The following PCMT1 variants were observed in gnomAD, a reference collection of about 807,000 sequenced individuals.
PCMT1 encodes protein-L-isoaspartate(D-aspartate) O-methyltransferase.
PCMT1 carries 9 observed loss-of-function variants against 29.2 expected under a neutral mutation model. The observed-to-expected ratio is 0.31, with a 90% confidence interval of 0.19 to 0.54. The LOEUF is 0.54. PCMT1 is among the 20% of genes least tolerant of loss of function. PCMT1 has a pLI of 0.95. For synonymous variants in PCMT1, 98 were observed against 97.5 expected (o/e 1.00, Z -0.03); for missense variants, 184 against 282.2 (o/e 0.65, Z 2.49).
chr6:149,751,721 C>T (rs1786328024), intron 1 of PCMT1, among the ~76,000 whole-genome samples: 1 of 152,008 alleles, frequency 6.6e-6, no homozygotes, highest in Admixed American at 6.6e-5. Context: ...ACTTCATGAT[C>T]TGCCCACCTC....
At chr6:149,780,465 A>G (rs186190419) in intron 3 of PCMT1, among the ~76,000 whole-genome samples, 2 of 152,266 alleles carry the variant, frequency 1.3e-5, no homozygotes, top group Non-Finnish European at 2.9e-5. Flanking sequence ...TGAGGTTTTC[A>G]TCACTGCAGA....
rs568587773 is a variant in PCMT1 at position 149,786,675 on chromosome 6, C to G, written c.193-3279C>G. On this transcript the variant is annotated intron_variant, in intron 3 of 7. Coordinates refer to ENST00000464889, the MANE Select transcript of PCMT1 (RefSeq NM_001360452.2). ...GCAGAGACGCTCCTCACCTCCCAGA[C>G]GGGGTCGCGGCCGGGCAGAGGCGCT... 4.3e-3 allele frequency among the ~76,000 whole-genome samples: 634 copies of G among 149,152 alleles called. 4 individuals are homozygous for G. Among genetic ancestry groups the G allele is most frequent in the African/African-American group, 0.015 (602 of 40,178 alleles).
intron 4 of PCMT1, among the ~76,000 whole-genome samples, chr6:149,790,428 T>C (rs1252991528): frequency 6.6e-6 from 1 of 152,146 alleles, no homozygotes; most frequent in East Asian, 1.9e-4. Context: ...ACCCTTGTAA[T>C]CACAAGATGG....
At chr6:149,767,413 T>C (rs886629889) in intron 1 of PCMT1, among the ~76,000 whole-genome samples, 1 of 152,018 alleles carries the variant, frequency 6.6e-6, no homozygotes, top group Admixed American at 6.6e-5. Context: ...TTCTTGAAAA[T>C]GCTGCCTTAT....
At chr6:149,806,058 G>C (rs1004509365) in intron 7 of PCMT1, among the ~76,000 whole-genome samples, 1 of 151,448 alleles carries the variant, frequency 6.6e-6, no homozygotes, top group East Asian at 1.9e-4. Context: ...CTTTTCTTTG[G>C]CCATTTGTTC....
intron 1 of PCMT1, 180 bp downstream of exon 1, chr6:149,750,136 A>G: frequency 1.2e-6 from 1 of 817,186 alleles, no homozygotes; most frequent in Non-Finnish European, 1.8e-6. Flanking sequence ...GGGACCTGTC[A>G]CTCGTCGACG....
At chr6:149,777,379 A>T (rs1273189130) in intron 3 of PCMT1, among the ~76,000 whole-genome samples, 2 of 152,234 alleles carry the variant, frequency 1.3e-5, no homozygotes, top group East Asian at 1.9e-4. Flanking sequence ...TTTTTACATC[A>T]TCGTAAAGTC....
At position 149,768,444 on chromosome 6, in the gene PCMT1, ATTTTTTTTTTTT is replaced by A. The variant is rs548328646; in HGVS notation, c.56-2704_56-2693del. ...AGGTGATTTGATCTTTTAGTCTTGA[ATTTTTTTTTTTT>A]TTTTTTTTTTTTTGAGATGGAGTCT... is the stretch of plus-strand genomic sequence containing the variant. On this transcript the variant is annotated intron_variant, in intron 1 of 7. Coordinates refer to ENST00000464889, the MANE Select transcript of PCMT1 (RefSeq NM_001360452.2). Among the ~76,000 whole-genome samples, 60 of 75,860 alleles carry A rather than the reference ATTTTTTTTTTTT, an allele frequency of 7.9e-4. 1 individual carries two copies. The highest frequency in any genetic ancestry group is 3.9e-3 in the African/African-American group (59 of 15,098). 49.8% of individuals were successfully genotyped at this position (75,860 alleles called of 152,430 possible).
chr6:149,768,800 T>C (rs932440112), intron 1 of PCMT1, among the ~76,000 whole-genome samples: 1 of 151,990 alleles, frequency 6.6e-6, no homozygotes, highest in Admixed American at 6.6e-5. Context: ...CTAATTTTTG[T>C]ATTTTTAGTA....
At chr6:149,762,999 GAT>G (rs1247905936) in intron 1 of PCMT1, among the ~76,000 whole-genome samples, 3 of 54,066 alleles carry the variant, frequency 5.5e-5, no homozygotes, top group Non-Finnish European at 7.7e-5. Flanking sequence ...TGATATATAT[GAT>G]ATATATATCT....
In PCMT1 at chr6:149,749,769, T is replaced by C. The variant is rs1264698134; in HGVS notation, c.-133T>C. 6.5e-7 allele frequency: 1 copy of C among 1,548,488 alleles called. No homozygotes were observed. Among genetic ancestry groups the C allele is most frequent in the Non-Finnish European group, 8.7e-7 (1 of 1,145,598 alleles). On this transcript the variant is annotated 5_prime_UTR_variant, in exon 1 of 8. Transcript: ENST00000464889. The stretch of plus-strand genomic sequence containing the variant: ...GTGGCGGCAGCGGCGGCGACGGCAG[T>C]AACAGCGGCAGCTACAGCGGGGACG...
At chr6:149,810,507 G>T in intron 7 of PCMT1, 109 bp from the exon 8 acceptor site, 1 of 735,902 alleles carries the variant, frequency 1.4e-6, no homozygotes. Flanking sequence ...TATATTGCTT[G>T]GTGATCAGCG....
intron 3 of PCMT1, among the ~76,000 whole-genome samples, chr6:149,786,825 C>T (rs2115300400): frequency 6.7e-6 from 1 of 149,682 alleles, no homozygotes; most frequent in South Asian, 2.1e-4. Flanking sequence ...CTCCTCACTT[C>T]CTAGATGGGA....
intron 1 of PCMT1, among the ~76,000 whole-genome samples, chr6:149,761,257 A>ATG (rs75507681): frequency 1.6e-3 from 229 of 147,096 alleles, no homozygotes; most frequent in Middle Eastern, 0.015. Flanking sequence ...TGTAAGGGTG[A>ATG]TGTGTGTGTG....
chr6:149,809,989 C>T (rs2115356798), intron 7 of PCMT1: 2 of 152,278 alleles, frequency 1.3e-5, no homozygotes, highest in Middle Eastern at 3.4e-3. Flanking sequence ...AACTGAGATA[C>T]CATACAGTTT....
intron 3 of PCMT1, among the ~76,000 whole-genome samples, chr6:149,779,542 G>C (rs1787722423): frequency 6.6e-6 from 1 of 152,188 alleles, no homozygotes; most frequent in South Asian, 2.1e-4. Context: ...GGGCGGGGTG[G>C]CTCATGCCTG....
intron 7 of PCMT1, among the ~76,000 whole-genome samples, chr6:149,805,986 A>AG (rs1010354603): frequency 1.3e-5 from 2 of 151,818 alleles, no homozygotes; most frequent in African/African-American, 2.4e-5. Flanking sequence ...TCGCACTATC[A>AG]GAAAAAAAAA....
chr6:149,771,688 T>C (rs1484240635), intron 2 of PCMT1, among the ~76,000 whole-genome samples: 1 of 152,090 alleles, frequency 6.6e-6, no homozygotes, highest in African/African-American at 2.4e-5. Context: ...GGCTAATTTT[T>C]TGTATTTTAG....
At chr6:149,790,207 T>C (rs1788300891) in intron 4 of PCMT1, 149 bp downstream of exon 4, 6 of 594,482 alleles carry the variant, frequency 1.0e-5, no homozygotes, top group Non-Finnish European at 1.5e-5. Flanking sequence ...GATTTTGTTG[T>C]TGTTGCAAGT....
Sources: gnomAD v4.1 joint callset for allele counts (sites outside exome capture counted in the v4.1 genomes callset) on GRCh38, gnomAD v4.1.1 for gene constraint, MANE v1.5 for transcripts, NCBI Gene and HGNC (gene_info 2026-07-23, HGNC 2026-07-21) for gene names.